The following COL4A2 variants were observed in gnomAD, a reference collection of about 807,000 sequenced individuals.
COL4A2 encodes the protein collagen type IV alpha 2 chain, also known as collagen alpha-2(IV) chain.
Under a neutral mutation model 200.2 loss-of-function variants are expected in COL4A2, and 99 were observed. The observed-to-expected ratio is 0.49, with a 90% CI of 0.42 to 0.58. COL4A2 has a LOEUF of 0.58. Among genes scored for constraint, COL4A2 ranks in the 20% least tolerant of loss-of-function variants. The pLI is 0.00. For missense variants in COL4A2, 1,950 were observed against 2,314.1 expected (o/e 0.84, Z 3.23); for synonymous variants, 897 against 900.6 (o/e 1.00, Z 0.07).
At chr13:110,448,707 T>C (rs922366359) in intron 18 of COL4A2, among the ~76,000 whole-genome samples, 2 of 123,630 alleles carry the variant, frequency 1.6e-5, no homozygotes, top group Non-Finnish European at 3.8e-5. Context: ...ATTTTGTGTC[T>C]TTTTATGGAA....
intron 39 of COL4A2, among the ~76,000 whole-genome samples, chr13:110,494,411 A>T (rs1883385011): frequency 6.6e-6 from 1 of 152,194 alleles, no homozygotes; most frequent in Non-Finnish European, 1.5e-5. Flanking sequence ...TTGTCTTTTC[A>T]TTTAATTTTG....
intron 16 of COL4A2, among the ~76,000 whole-genome samples, chr13:110,445,154 A>AT (rs1204494339): frequency 1.3e-5 from 2 of 152,048 alleles, no homozygotes; most frequent in African/African-American, 4.8e-5. Context: ...CCCAGCAGAG[A>AT]TTTTTTTTAA....
Position 110,465,520 on chromosome 13 carries a change from A to G in COL4A2, c.1892A>G (p.Gln631Arg). 1.2e-6 allele frequency: 2 copies of G among 1,614,024 alleles called. No homozygotes were observed. The highest frequency in any genetic ancestry group is 1.7e-6 in the Non-Finnish European group (2 of 1,180,016). ...CTGGGCCTTCCCGGCCTCAAAGGCCAACGTGGTTTCCCTGGAGACGCCGGC... is the reference window on the plus strand; with the variant it reads ...CTGGGCCTTCCCGGCCTCAAAGGCCGACGTGGTTTCCCTGGAGACGCCGGC... Reference protein sequence around the residue: ...PGLGLPGLKGQRGFPGDAGLP... With the variant: ...PGLGLPGLKGRRGFPGDAGLP... Residue 631 changes from glutamine (Q) to arginine (R), a missense_variant, in exon 25 of 48, where the codon CAA (glutamine) becomes CGA (arginine). Physicochemically the swap from Gln to Arg is conservative, Grantham distance 43 (BLOSUM62 1). Transcript: ENST00000360467.
At chr13:110,469,605 C>T (rs1351791847) in intron 28 of COL4A2, among the ~76,000 whole-genome samples, 1 of 152,162 alleles carries the variant, frequency 6.6e-6, no homozygotes, top group Non-Finnish European at 1.5e-5. Flanking sequence ...GGTATGTCCT[C>T]AGTGTTAATA....
chr13:110,346,298 G>A (rs957757094), intron 3 of COL4A2, among the ~76,000 whole-genome samples: 10 of 152,174 alleles, frequency 6.6e-5, no homozygotes, highest in African/African-American at 2.4e-4. Context: ...AGTAAGACCT[G>A]ATTCAAAGGA....
At chr13:110,400,127 G>A (rs1879320561) in intron 4 of COL4A2, among the ~76,000 whole-genome samples, 2 of 152,074 alleles carry the variant, frequency 1.3e-5, no homozygotes, top group Non-Finnish European at 2.9e-5. Context: ...AGCCTAGATA[G>A]GAAACTCCCT....
intron 3 of COL4A2, among the ~76,000 whole-genome samples, chr13:110,344,125 A>G (rs1876594449): frequency 6.6e-6 from 1 of 152,190 alleles, no homozygotes; most frequent in Non-Finnish European, 1.5e-5. Flanking sequence ...CATAGCTCAT[A>G]AATATGTAAG....
At chr13:110,325,629 A>G (rs1179390689) in intron 3 of COL4A2, among the ~76,000 whole-genome samples, 1 of 152,172 alleles carries the variant, frequency 6.6e-6, no homozygotes, top group East Asian at 1.9e-4. Flanking sequence ...GAGGCTTCTA[A>G]TCCCCGTGTC....
Position 110,439,828 on chromosome 13 carries a change from C to T in COL4A2, c.952C>T (p.Gln318Ter), listed in dbSNP as rs768030086. Residue 318 changes from glutamine (Q) to a stop codon, truncating the protein, a stop_gained, in exon 16 of 48, where the codon CAG (glutamine) becomes TAG (stop). Coordinates refer to ENST00000360467, the MANE Select transcript of COL4A2 (RefSeq NM_001846.4). LOFTEE classifies it high-confidence loss of function. ...GLSGEKGSPG[Q>*]KGSRGLDGYQ... ...GAGTGGTGAAAAAGGATCACCAGGA[C>T]AGAAGGTAAGTTGGATGCATGAACT... is the stretch of plus-strand genomic sequence containing the variant. 3 of 1,613,996 alleles carry T rather than the reference C, an allele frequency of 1.9e-6. No individual in the cohort carries two copies. The highest frequency in any genetic ancestry group is 3.3e-5 in the Admixed American group (2 of 59,988).
At chr13:110,446,625 G>A (rs1225706417) in intron 17 of COL4A2, among the ~76,000 whole-genome samples, 173 bp from the exon 18 acceptor site, 1 of 152,194 alleles carries the variant, frequency 6.6e-6, no homozygotes, top group Non-Finnish European at 1.5e-5. Flanking sequence ...GCCAGGCTCT[G>A]CCACCCTAGC....
At chr13:110,501,815 C>T in intron 41 of COL4A2, 31 bp downstream of exon 41, 2 of 1,594,496 alleles carry the variant, frequency 1.3e-6, no homozygotes, top group Non-Finnish European at 8.6e-7. Context: ...TGTGCTTCGA[C>T]ATCTCTAGGG....
intron 4 of COL4A2, among the ~76,000 whole-genome samples, chr13:110,382,255 A>G (rs1878520511): frequency 6.6e-6 from 1 of 152,372 alleles, no homozygotes; most frequent in South Asian, 2.1e-4. Flanking sequence ...TCTCATAAAC[A>G]GCTGCATAGT....
At chr13:110,469,906 CTTTTT>C (rs66524559) in intron 28 of COL4A2, among the ~76,000 whole-genome samples, 9 of 75,614 alleles carry the variant, frequency 1.2e-4, no homozygotes, top group Admixed American at 1.1e-3. Context: ...GCATACACGT[CTTTTT>C]TTTTTTTTTT....
intron 16 of COL4A2, among the ~76,000 whole-genome samples, chr13:110,445,019 T>C (rs1243602755): frequency 6.6e-6 from 1 of 152,044 alleles, no homozygotes; most frequent in Non-Finnish European, 1.5e-5. Context: ...CCCGGTTACA[T>C]TATGTATTTT....
intron 4 of COL4A2, among the ~76,000 whole-genome samples, chr13:110,383,989 T>C (rs1349092444): frequency 3.3e-5 from 5 of 152,196 alleles, no homozygotes; most frequent in Non-Finnish European, 5.9e-5. Context: ...TGGCAGATGA[T>C]GTACAGAGGA....
chr13:110,360,955 G>A (rs1877488546), intron 4 of COL4A2, among the ~76,000 whole-genome samples: 1 of 152,238 alleles, frequency 6.6e-6, no homozygotes, highest in Non-Finnish European at 1.5e-5. Flanking sequence ...GCCAGTCACT[G>A]GAGTGTGTTA....
chr13:110,438,551 CGT>C, intron 14 of COL4A2, 65 bp from the exon 15 acceptor site: 1 of 1,583,910 alleles, frequency 6.3e-7, no homozygotes, highest in Non-Finnish European at 8.7e-7. Context: ...GAGGATGACA[CGT>C]GGGCCCTGTT....
intron 18 of COL4A2, 146 bp downstream of exon 18, chr13:110,447,010 A>G: frequency 1.9e-6 from 1 of 516,688 alleles, no homozygotes; most frequent in Non-Finnish European, 3.0e-6. Context: ...TAAAAAATAA[A>G]CCACGAAATT....
intron 32 of COL4A2, among the ~76,000 whole-genome samples, chr13:110,483,594 G>A (rs1883008175): frequency 6.6e-6 from 1 of 152,240 alleles, no homozygotes; most frequent in Non-Finnish European, 1.5e-5. Flanking sequence ...ATGGCGCGTG[G>A]GCGAGCCTTG....
Sources: allele counts gnomAD v4.1 joint callset (sites outside exome capture counted in the v4.1 genomes callset), GRCh38; gene constraint gnomAD v4.1.1; transcripts MANE v1.5; gene names NCBI Gene and HGNC (gene_info 2026-07-23, HGNC 2026-07-21).